The following PCM1 variants were observed in gnomAD, a reference collection of about 807,000 sequenced individuals.
The protein encoded by PCM1 is pericentriolar material 1, also known as pericentriolar material 1 protein.
Under a neutral mutation model 241.9 loss-of-function variants are expected in PCM1, and 157 were observed. The observed-to-expected ratio is 0.65, with a 90% CI of 0.57 to 0.74. The LOEUF (loss-of-function observed/expected upper bound fraction) is 0.74, where lower values mean the gene tolerates loss of function less well. PCM1 is among the 30% of genes least tolerant of loss of function. The probability of loss-of-function intolerance (pLI) is 0.00; values close to 1 mark genes in which losing one functional copy is unlikely to be tolerated. For missense variants in PCM1, 3,478 were observed against 2,360.1 expected, an observed-to-expected ratio of 1.47 and a Z score of -9.81; for synonymous variants, 1,085 against 784.9, an observed-to-expected ratio of 1.38 and a Z score of -6.39.
At chr8:17,998,769 G>C (rs978276162) in intron 29 of PCM1, among the ~76,000 whole-genome samples, 1 of 152,172 alleles carries the variant, frequency 6.6e-6, no homozygotes, top group Non-Finnish European at 1.5e-5. Flanking sequence ...CTTCAGGGCA[G>C]TGAGTTCCCC....
intron 9 of PCM1, among the ~76,000 whole-genome samples, chr8:17,953,566 CTG>C (rs1216921170): frequency 1.3e-5 from 2 of 152,046 alleles, no homozygotes; most frequent in African/African-American, 4.8e-5. Context: ...AAACCCAAAA[CTG>C]TGAAACATAG....
Position 17,938,675 on chromosome 8 carries a change from G to C in PCM1, c.343-65G>C. ...TCTGATGGCGAAACTAAGAACATTG[G>C]GGTTAAAACAAAATTTTGTCATAAG... On this transcript the variant is annotated intron_variant, in intron 4 of 38. Transcript: ENST00000325083. The C allele has an allele frequency of 2.5e-6, 3 of 1,188,890 alleles. No individual in the cohort carries two copies. The South Asian group carries it at 4.0e-5, about 16-fold the overall frequency. The allele number at this position is 1,188,890 out of a possible 1,614,324, so 73.6% of individuals were successfully genotyped here. A position where few individuals can be genotyped will look rare whatever the true frequency, so the allele number is the denominator to read the frequency against.
intron 2 of PCM1, among the ~76,000 whole-genome samples, chr8:17,929,268 G>C (rs546226073): frequency 6.6e-6 from 1 of 152,060 alleles, no homozygotes; most frequent in Non-Finnish European, 1.5e-5. Flanking sequence ...CTTTTGGCAG[G>C]CTCTCCTGGT....
chr8:17,957,284 C>G lies in PCM1; in HGVS notation c.1667C>G (p.Thr556Ser), dbSNP rs769974560. Residue 556 changes from threonine to serine, a missense_variant, in exon 12 of 39, where the codon ACT (threonine) becomes AGT (serine). Transcript: ENST00000325083. The part of the protein sequence containing the change: ...TNIRNPQVAS[T>S]WNEVNSHSNA... The stretch of plus-strand genomic sequence containing the variant: ...TCTAGAAATCCACAAGTAGCTTCCA[C>G]TTGGAATGAAGTAAATAGTCATAGT... 12 of 1,593,878 alleles carry G rather than the reference C, an allele frequency of 7.5e-6. No homozygotes were observed. The South Asian group carries it at 8.0e-5, about 11-fold the overall frequency.
intron 6 of PCM1, among the ~76,000 whole-genome samples, chr8:17,946,001 A>G (rs1350024575): frequency 6.6e-6 from 1 of 152,188 alleles, no homozygotes; most frequent in Non-Finnish European, 1.5e-5. Flanking sequence ...GAAAAATACA[A>G]TTACGGTATA....
chr8:17,956,621 G>T lies in PCM1; in HGVS notation c.1490G>T (p.Arg497Leu), dbSNP rs1470048397. The change falls in exon 11 of 39, where the codon CGA becomes CTA. Residue 497 changes from arginine to leucine, a missense_variant. By Grantham distance (102) the Arg-to-Leu change is moderately radical. Transcript: ENST00000325083. ...SEKLQKLNEV[R>L]KRLNELRELV... is the part of the protein sequence containing the mutation. Reference sequence around the variant, plus strand: ...TTTATCAGGAAGTTAAATGAAGTTCGAAAGAGATTGAATGAGCTAAGAGAA... The same window carrying T: ...TTTATCAGGAAGTTAAATGAAGTTCTAAAGAGATTGAATGAGCTAAGAGAA... 1 of 1,592,820 alleles carries T rather than the reference G, an allele frequency of 6.3e-7. No homozygotes were observed. Among genetic ancestry groups the T allele is most frequent in the African/African-American group, 1.3e-5 (1 of 74,516 alleles).
intron 21 of PCM1, among the ~76,000 whole-genome samples, chr8:17,969,034 G>A (rs2285307): frequency 0.16 from 24,357 of 151,742 alleles, 2,245 homozygotes; most frequent in East Asian, 0.38. Context: ...TTCCCCACAC[G>A]TTGTTAGTAG....
chr8:17,957,842 A>G lies in PCM1; in HGVS notation c.2040+67A>G, dbSNP rs1396306046. ...GTACAGTCTTAAGTAAAATTTGTGT[A>G]TGATAATTACTTTGGTTTAATTATA... On this transcript the variant is annotated intron_variant, in intron 13 of 38. Transcript: ENST00000325083. 10 of 1,076,648 alleles carry G rather than the reference A, an allele frequency of 9.3e-6. No homozygotes were observed. In the East Asian group the frequency reaches 2.1e-4, roughly 23 times the overall value. The allele number at this position is 1,076,648 out of a possible 1,614,324, so 66.7% of individuals were successfully genotyped here. A position where few individuals can be genotyped will look rare whatever the true frequency, so the allele number is the denominator to read the frequency against.
rs187045414 is a variant in PCM1 at position 17,993,521 on chromosome 8, G to C, written c.4729G>C (p.Val1577Leu). 6.3e-7 allele frequency: 1 copy of C among 1,586,306 alleles called. No homozygotes were observed. Among genetic ancestry groups the C allele is most frequent in the East Asian group, 2.3e-5 (1 of 44,166 alleles). The change falls in exon 29 of 39, where the codon GTA becomes CTA. Residue 1577 changes from valine to leucine, a missense_variant. By Grantham distance (32) the Val-to-Leu change is conservative (BLOSUM62 1). Coordinates refer to ENST00000325083, the MANE Select transcript of PCM1 (RefSeq NM_006197.4). The part of the protein sequence containing the change: ...VIENRSSQQP[V>L]SEVSTIPCPR... ...TGAAAATCGTAGTTCACAACAACCT[G>C]TAAGTGAAGTTTCTACCATCCCATG...
intron 15 of PCM1, 128 bp downstream of exon 15, chr8:17,960,572 T>C: frequency 1.6e-6 from 1 of 616,280 alleles, no homozygotes; most frequent in Non-Finnish European, 2.6e-6. Context: ...TTGCCCAGGC[T>C]GAAGTGCAGT....
chr8:17,993,652 T>G, intron 29 of PCM1, 33 bp downstream of exon 29: 5 of 1,531,082 alleles, frequency 3.3e-6, no homozygotes, highest in Non-Finnish European at 2.6e-6. Context: ...AAACGAAACC[T>G]TCTATGTTTT....
chr8:17,976,693 T>C lies in PCM1; in HGVS notation c.3944-3898T>C, dbSNP rs567220603. On this transcript the variant is annotated intron_variant, in intron 23 of 38. Coordinates refer to ENST00000325083, the MANE Select transcript of PCM1 (RefSeq NM_006197.4). ...TCAGTGGAGGCTCAAGTAGAAGTACTGTTTCTTCTACTAATGTCACCCCCT... is the reference window on the plus strand; with the variant it reads ...TCAGTGGAGGCTCAAGTAGAAGTACCGTTTCTTCTACTAATGTCACCCCCT... 3.3e-5 allele frequency among the ~76,000 whole-genome samples: 5 copies of C among 152,302 alleles called. No homozygotes were observed. The East Asian group carries it at 9.7e-4, about 29-fold the overall frequency.
chr8:17,936,922 C>G (rs1195048316), intron 3 of PCM1, among the ~76,000 whole-genome samples: 1 of 152,094 alleles, frequency 6.6e-6, no homozygotes, highest in Non-Finnish European at 1.5e-5. Flanking sequence ...AGAAAATAAT[C>G]TCTTTTCAGA....
intron 4 of PCM1, among the ~76,000 whole-genome samples, chr8:17,938,296 G>C (rs2061020003): frequency 6.6e-6 from 1 of 152,028 alleles, no homozygotes; most frequent in African/African-American, 2.4e-5. Context: ...TAAAAATATT[G>C]TATAAGATTA....
chr8:17,971,946 A>C (rs544171139), intron 22 of PCM1, among the ~76,000 whole-genome samples: 2 of 151,762 alleles, frequency 1.3e-5, no homozygotes, highest in South Asian at 4.2e-4. Context: ...GGTCTCACCA[A>C]CTTGTCTGGG....
At chr8:17,951,556 GA>G (rs2129458587) in intron 8 of PCM1, among the ~76,000 whole-genome samples, 1 of 152,244 alleles carries the variant, frequency 6.6e-6, no homozygotes, top group East Asian at 1.9e-4. Context: ...TACATAGAGT[GA>G]AATTCTTTAT....
intron 36 of PCM1, among the ~76,000 whole-genome samples, chr8:18,017,330 TAATAGTCTCTGACTAGAGTCTGG>T (rs1453992577): frequency 6.6e-6 from 1 of 152,210 alleles, no homozygotes; most frequent in Non-Finnish European, 1.5e-5. Flanking sequence ...TTTTATTCAT[TAATAGTCTCTGACTAGAGTCTGG>T]TGACTTGATT....
chr8:17,926,712 G>A (rs1259656149), intron 2 of PCM1: 5 of 152,206 alleles, frequency 3.3e-5, no homozygotes, highest in African/African-American at 1.2e-4. Flanking sequence ...GTTGGGTTTG[G>A]GTTTGAGTAA....
intron 2 of PCM1, among the ~76,000 whole-genome samples, chr8:17,931,789 T>C (rs454692): frequency 0.79 from 119,695 of 152,100 alleles, 47,635 homozygotes; most frequent in African/African-American, 0.87. Context: ...ATATGTAGAA[T>C]ACAGTAGTTG....
Sources: allele counts gnomAD v4.1 joint callset (sites outside exome capture counted in the v4.1 genomes callset), GRCh38; gene constraint gnomAD v4.1.1; transcripts MANE v1.5; gene names NCBI Gene and HGNC (gene_info 2026-07-23, HGNC 2026-07-21).